Variants in COL4A5 observed in about 807,000 individuals in gnomAD.
COL4A5 encodes the protein collagen type IV alpha 5 chain.
Under a neutral mutation model 130.2 loss-of-function variants are expected in COL4A5, and 26 were observed. The ratio of observed to expected loss-of-function variants is 0.20; its 90% CI spans 0.15 to 0.28. The LOEUF (loss-of-function observed/expected upper bound fraction) is 0.28. Among genes scored for constraint, COL4A5 ranks in the 10% least tolerant of loss-of-function variants. The pLI is 1.00. For missense variants in COL4A5, 1,131 were observed against 1,344.3 expected (o/e 0.84, Z 2.48); for synonymous variants, 496 against 439.6 (o/e 1.13, Z -1.60).
chrX:108,621,724 TG>T (rs1194555186), intron 31 of COL4A5, 78 bp from the exon 32 acceptor site: 1 of 788,045 alleles, frequency 1.3e-6, no homozygotes, highest in Non-Finnish European at 1.9e-6. Context: ...AATAGTTTTC[TG>T]GTTGACATCT....
chrX:108,614,827 A>T (rs1451563523), intron 29 of COL4A5, 84 bp from the exon 30 acceptor site: 6 of 667,328 alleles, frequency 9.0e-6, no homozygotes, highest in Non-Finnish European at 9.7e-6. Context: ...GTTTTTCAAG[A>T]TTCTTGCTTA....
intron 1 of COL4A5, among the ~76,000 whole-genome samples, chrX:108,498,953 G>C (rs763934397): frequency 2.7e-5 from 3 of 111,064 alleles, no homozygotes; most frequent in African/African-American, 9.8e-5. Context: ...TCAAATAAGA[G>C]ATGATTTTGC....
chrX:108,522,036 T>G (rs931482593), intron 1 of COL4A5, among the ~76,000 whole-genome samples: 1 of 111,022 alleles, frequency 9.0e-6, no homozygotes, highest in African/African-American at 3.3e-5. Flanking sequence ...TTCTGAACAT[T>G]TCATAGAAGT....
chrX:108,636,426 CAACT>C (rs1263533167), intron 36 of COL4A5, among the ~76,000 whole-genome samples: 1 of 109,588 alleles, frequency 9.1e-6, no homozygotes. Context: ...AAAGCACAAA[CAACT>C]AAAGAAAAAA....
At chrX:108,469,863 C>G in intron 1 of COL4A5, among the ~76,000 whole-genome samples, 1 of 111,580 alleles carries the variant, frequency 9.0e-6, no homozygotes. Flanking sequence ...TTAGCTCCCA[C>G]TTATAAGTGA....
intron 19 of COL4A5, among the ~76,000 whole-genome samples, chrX:108,587,414 C>G (rs1878838305): frequency 1.8e-5 from 2 of 111,144 alleles, no homozygotes; most frequent in African/African-American, 6.5e-5. Context: ...AACGTAATGT[C>G]CTTCAGGCTC....
intron 27 of COL4A5, among the ~76,000 whole-genome samples, chrX:108,602,690 A>T (rs1434476190): frequency 1.8e-5 from 2 of 112,050 alleles, no homozygotes; most frequent in Non-Finnish European, 3.8e-5. Flanking sequence ...TGTGGGATTC[A>T]TTCCTTACAA....
chrX:108,563,486 C>T (rs774243148), intron 3 of COL4A5, among the ~76,000 whole-genome samples: 33 of 111,860 alleles, frequency 3.0e-4, no homozygotes, highest in African/African-American at 8.7e-4. Flanking sequence ...AGATGATGCT[C>T]ATTATACCAG....
chrX:108,516,030 T>G (rs372055340), intron 1 of COL4A5, among the ~76,000 whole-genome samples: 7 of 112,025 alleles, frequency 6.2e-5, no homozygotes, highest in Non-Finnish European at 9.4e-5. Flanking sequence ...TAGCAGAGCT[T>G]CTTCTTTGCT....
chrX:108,490,262 G>T (rs1202365625), intron 1 of COL4A5, among the ~76,000 whole-genome samples: 1 of 111,952 alleles, frequency 8.9e-6, no homozygotes. Context: ...TCTGTAGGGT[G>T]AATTTCTACA....
chrX:108,472,029 G>A (rs2064776586), intron 1 of COL4A5, among the ~76,000 whole-genome samples: 2 of 110,969 alleles, frequency 1.8e-5, no homozygotes, highest in African/African-American at 6.5e-5. Context: ...TTTTTAGTAT[G>A]TTGTATTTTT....
At chrX:108,643,383 C>T (rs1358496367) in intron 36 of COL4A5, among the ~76,000 whole-genome samples, 3 of 111,688 alleles carry the variant, frequency 2.7e-5, no homozygotes, top group African/African-American at 6.5e-5. Context: ...AAATTCATCA[C>T]AAATCGATCA....
At position 108,589,875 on chromosome X, in the gene COL4A5, G is replaced by C. The variant is rs148012452; in HGVS notation, c.1166-1183G>C. Among the ~76,000 whole-genome samples, 16 of 111,137 alleles carry C rather than the reference G, an allele frequency of 1.4e-4. No individual in the cohort carries two copies. The East Asian group carries it at 3.9e-3, about 27-fold the overall frequency. On this transcript the variant is annotated intron_variant, in intron 19 of 52. Transcript: ENST00000328300. ...GAATGGGTGAAAATAATTGTAAACTGTGCATCTGGCAAAGGACTAATATCC... is the reference window on the plus strand; with the variant it reads ...GAATGGGTGAAAATAATTGTAAACTCTGCATCTGGCAAAGGACTAATATCC...
At position 108,622,928 on chromosome X, in the gene COL4A5, G is replaced by A. The variant is rs373641511; in HGVS notation, c.2917+103G>A. The A allele has an allele frequency of 2.9e-5, 23 of 800,127 alleles. 1 individual carries two copies. In the East Asian group the frequency reaches 6.9e-4, roughly 24 times the overall value. The allele number at this position is 800,127 out of a possible 1,213,427, so 65.9% of individuals were successfully genotyped here. On this transcript the variant is annotated intron_variant, in intron 33 of 52. Coordinates refer to ENST00000328300, the MANE Select transcript of COL4A5 (RefSeq NM_033380.3). ...TTATAATACAGAATTCACCAACAAAGGCACTTAAATGCATCAAATTTTGGT... is the reference window on the plus strand; with the variant it reads ...TTATAATACAGAATTCACCAACAAAAGCACTTAAATGCATCAAATTTTGGT...
intron 19 of COL4A5, 132 bp from the exon 20 acceptor site, chrX:108,590,926 G>C (rs1455078169): frequency 1.7e-6 from 1 of 578,887 alleles, no homozygotes. Flanking sequence ...AGACTTTTGA[G>C]TCTCATAGAA....
intron 1 of COL4A5, among the ~76,000 whole-genome samples, chrX:108,458,871 TG>T (rs1301921024): frequency 9.1e-6 from 1 of 109,765 alleles, no homozygotes; most frequent in Non-Finnish European, 1.9e-5. Flanking sequence ...TCCCAGCTAC[TG>T]GGGAGGCTGA....
At chrX:108,610,435 T>C (rs1013634531) in intron 29 of COL4A5, among the ~76,000 whole-genome samples, 1 of 111,730 alleles carries the variant, frequency 9.0e-6, no homozygotes, top group Non-Finnish European at 1.9e-5. Context: ...CTTAAAAAAA[T>C]ACCTTTCTGT....
In COL4A5 at chrX:108,563,899, A is replaced by G. The variant is rs2065933468; in HGVS notation, c.249A>G (p.Pro83=). The change falls in exon 4 of 53, where the codon CCA becomes CCG. Residue 83 remains proline (P), a synonymous_variant. Coordinates refer to ENST00000328300, the MANE Select transcript of COL4A5 (RefSeq NM_033380.3). ...PRGQKGDDGI[P]GPPGPKGIRG... is the part of the protein sequence containing the mutation. ...TTTTTCAGGGTGATGATGGAATTCCAGGGCCACCAGGACCAAAAGGAATCA... is the reference window on the plus strand; with the variant it reads ...TTTTTCAGGGTGATGATGGAATTCCGGGGCCACCAGGACCAAAAGGAATCA... 2 of 1,205,398 alleles carry G rather than the reference A, an allele frequency of 1.7e-6. No homozygotes were observed. Among genetic ancestry groups the G allele is most frequent in the African/African-American group, 3.5e-5 (2 of 56,882 alleles).
intron 1 of COL4A5, among the ~76,000 whole-genome samples, chrX:108,512,763 C>T (rs767673215): frequency 2.8e-5 from 3 of 108,701 alleles, no homozygotes; most frequent in South Asian, 4.0e-4. Context: ...CCACAGGACC[C>T]GGGCGAAATT....
Sources: gnomAD v4.1 joint callset for allele counts (sites outside exome capture counted in the v4.1 genomes callset) on GRCh38, gnomAD v4.1.1 for gene constraint, MANE v1.5 for transcripts, NCBI Gene and HGNC (gene_info 2026-07-23, HGNC 2026-07-21) for gene names.